WDPCP: variants seen among roughly 807,000 people sequenced by gnomAD.
WDPCP encodes the protein WD repeat-containing and planar cell polarity effector protein fritz homolog.
In WDPCP, 71 loss-of-function variants were observed where a neutral mutation model predicts 93.1. The observed-to-expected ratio is 0.76, with a 90% CI of 0.63 to 0.93. The LOEUF (loss-of-function observed/expected upper bound fraction) is 0.93, where lower values mean the gene tolerates loss of function less well. Among genes scored for constraint, WDPCP ranks in the 40% least tolerant of loss-of-function variants. The pLI, the probability that WDPCP is intolerant of heterozygous loss-of-function variation, is 0.00. For synonymous variants in WDPCP, 315 were observed against 315.0 expected (o/e 1.00, Z 0.00); for missense variants, 844 against 887.4 (o/e 0.95, Z 0.62).
chr2:63,231,268 A>C (rs956375899), intron 14 of WDPCP, among the ~76,000 whole-genome samples: 2 of 152,172 alleles, frequency 1.3e-5, no homozygotes. Context: ...GAAAAGTCGC[A>C]CAAGACAGGG....
chr2:63,301,906 G>C (rs1481882654), intron 13 of WDPCP, among the ~76,000 whole-genome samples: 2 of 151,828 alleles, frequency 1.3e-5, no homozygotes, highest in African/African-American at 4.8e-5. Context: ...TAAAGAAAAA[G>C]CAGCTCATTT....
chr2:63,358,519 T>G (rs770567321), intron 12 of WDPCP, among the ~76,000 whole-genome samples: 1 of 152,178 alleles, frequency 6.6e-6, no homozygotes, highest in Non-Finnish European at 1.5e-5. Context: ...CAAGTTGCAG[T>G]GCAGGTGCAG....
At chr2:63,453,928 A>G (rs892771526) in intron 6 of WDPCP, among the ~76,000 whole-genome samples, 2 of 124,772 alleles carry the variant, frequency 1.6e-5, no homozygotes, top group African/African-American at 3.2e-5. Flanking sequence ...GGAACGGAAC[A>G]TCACACACTG....
intron 2 of WDPCP, among the ~76,000 whole-genome samples, chr2:63,677,365 T>A (rs1710435651): frequency 6.6e-6 from 1 of 151,986 alleles, no homozygotes; most frequent in African/African-American, 2.4e-5. Flanking sequence ...AAACAGATAA[T>A]AGACACAGAT....
At chr2:63,571,368 T>C (rs1439478514) in intron 1 of WDPCP, 1 of 459,586 alleles carries the variant, frequency 2.2e-6, no homozygotes, top group Non-Finnish European at 4.4e-6. Context: ...TTTACCCATA[T>C]ACTTACCATT....
intron 17 of WDPCP, among the ~76,000 whole-genome samples, chr2:63,126,666 GTT>G (rs763749429): frequency 6.1e-5 from 6 of 98,114 alleles, no homozygotes; most frequent in Non-Finnish European, 8.2e-5. Flanking sequence ...CTTGTTTTGT[GTT>G]TTTTTTTTTT....
intron 12 of WDPCP, among the ~76,000 whole-genome samples, chr2:63,333,029 C>T (rs958307720): frequency 1.3e-5 from 2 of 152,140 alleles, no homozygotes; most frequent in South Asian, 4.1e-4. Context: ...ATTTCAAGTA[C>T]ATTTTATATT....
At chr2:63,655,693 C>T (rs1016635340) in intron 2 of WDPCP, among the ~76,000 whole-genome samples, 1 of 152,144 alleles carries the variant, frequency 6.6e-6, no homozygotes, top group African/African-American at 2.4e-5. Flanking sequence ...CACATAGAAG[C>T]AAAATCTATA....
At position 63,536,774 on chromosome 2, in the gene WDPCP, T is replaced by G. The variant is rs1232312456; in HGVS notation, c.76-43834A>C. Among the ~76,000 whole-genome samples the G allele has an allele frequency of 7.2e-4, 10 of 13,924 alleles. No homozygotes were observed. The South Asian group carries it at 0.014, about 20-fold the overall frequency. The allele number at this position is 13,924 out of a possible 152,430, so 9.1% of individuals were successfully genotyped here. A position where few individuals can be genotyped will look rare whatever the true frequency, so the allele number is the denominator to read the frequency against. The stretch of plus-strand genomic sequence containing the variant: ...GGTAAAAATCTCAGATTCTTCATGC[T>G]TTTTTTTTTTTTTTTGATGGAATCT... On this transcript the variant is annotated intron_variant, in intron 1 of 17. Coordinates refer to ENST00000272321, the MANE Select transcript of WDPCP (RefSeq NM_015910.7).
At chr2:63,823,669 CACACTCTCCCCCTAAAT>C (rs992200808) in intron 1 of WDPCP, among the ~76,000 whole-genome samples, 3 of 152,090 alleles carry the variant, frequency 2.0e-5, no homozygotes, top group Admixed American at 6.5e-5. Context: ...TAGACATCAT[CACACTCTCCCCCTAAAT>C]ACACTCTCCC....
chr2:63,138,486 C>T (rs759157142), intron 17 of WDPCP, among the ~76,000 whole-genome samples: 4 of 147,342 alleles, frequency 2.7e-5, no homozygotes, highest in Non-Finnish European at 4.5e-5. Flanking sequence ...CGGAGTCTCG[C>T]TGTTGCCCAG....
intron 1 of WDPCP, among the ~76,000 whole-genome samples, chr2:63,523,776 TG>T (rs1703117576): frequency 6.9e-6 from 1 of 144,936 alleles, no homozygotes; most frequent in African/African-American, 2.5e-5. Flanking sequence ...CTGGGCATGG[TG>T]GCACATGCCT....
intron 14 of WDPCP, among the ~76,000 whole-genome samples, chr2:63,249,501 C>T (rs1000408257): frequency 2.0e-5 from 3 of 152,260 alleles, no homozygotes; most frequent in South Asian, 2.1e-4. Flanking sequence ...CTAGCCTCTA[C>T]AGTGATCATG....
At chr2:63,833,705 T>G in the WDPCP span, among the ~76,000 whole-genome samples, 1 of 152,224 alleles carries the variant, frequency 6.6e-6, no homozygotes, top group African/African-American at 2.4e-5. Flanking sequence ...TGTTATCACT[T>G]GGGTTCACTG....
intron 2 of WDPCP, among the ~76,000 whole-genome samples, chr2:63,725,140 C>A (rs1669479416): frequency 6.6e-6 from 1 of 152,080 alleles, no homozygotes; most frequent in Non-Finnish European, 1.5e-5. Flanking sequence ...TAGATTATTT[C>A]TTTACTCAGG....
intron 1 of WDPCP, among the ~76,000 whole-genome samples, chr2:63,515,926 A>G (rs562590343): frequency 2.0e-5 from 3 of 151,990 alleles, no homozygotes; most frequent in Non-Finnish European, 2.9e-5. Flanking sequence ...AGGCTGAGGC[A>G]GGAGAATCGC....
intron 1 of WDPCP, among the ~76,000 whole-genome samples, chr2:63,586,322 C>T (rs1006500404): frequency 6.6e-6 from 1 of 152,056 alleles, no homozygotes; most frequent in Non-Finnish European, 1.5e-5. Context: ...TACTAAATAA[C>T]GCGAGGCTGG....
chr2:63,564,555 C>T (rs1009805052), intron 1 of WDPCP: 12 of 152,024 alleles, frequency 7.9e-5, no homozygotes, highest in Non-Finnish European at 1.5e-4. Flanking sequence ...TTTCTGTCAT[C>T]GTGAGTTTGA....
intron 12 of WDPCP, among the ~76,000 whole-genome samples, chr2:63,375,042 G>A (rs977324308): frequency 1.3e-5 from 2 of 151,992 alleles, no homozygotes; most frequent in Admixed American, 6.6e-5. Context: ...CACTATTTGA[G>A]TCAGAAAACA....
Sources: gnomAD v4.1 joint callset for allele counts (sites outside exome capture counted in the v4.1 genomes callset) on GRCh38, gnomAD v4.1.1 for gene constraint, MANE v1.5 for transcripts, NCBI Gene and HGNC (gene_info 2026-07-23, HGNC 2026-07-21) for gene names.